The following BBX variants were observed in gnomAD, a reference collection of about 807,000 sequenced individuals.
The protein encoded by BBX is HMG box transcription factor BBX.
In BBX, 30 loss-of-function variants were observed where a neutral mutation model predicts 100.2. The observed-to-expected ratio is 0.30, with a 90% CI of 0.22 to 0.41. BBX has a LOEUF of 0.41. Ranked by LOEUF, BBX falls within the 10% of genes least tolerant of loss-of-function variation. The pLI, the probability that BBX is intolerant of heterozygous loss-of-function variation, is 1.00. For missense variants in BBX, 1,023 were observed against 1,129.8 expected, an observed-to-expected ratio of 0.91 and a Z score of 1.35; for synonymous variants, 376 against 388.1, an observed-to-expected ratio of 0.97 and a Z score of 0.37.
At chr3:107,667,624 T>G (rs2058819957) in intron 3 of BBX, among the ~76,000 whole-genome samples, 1 of 151,822 alleles carries the variant, frequency 6.6e-6, no homozygotes, top group Non-Finnish European at 1.5e-5. Context: ...TGGGCTTAAT[T>G]TGGAAAAGGT....
intron 10 of BBX, among the ~76,000 whole-genome samples, chr3:107,769,219 T>C (rs199940338): frequency 0.059 from 8,135 of 137,450 alleles, 337 homozygotes; most frequent in Middle Eastern, 0.11. Flanking sequence ...GATAGATAGA[T>C]AGATAGATAG....
In BBX at chr3:107,773,681, GA is replaced by G; in HGVS notation, c.1915+47del. ...CTGAAAAGAATTCAAAAACCAAACA[GA>G]ATTTCACCTTTAGACCTATTGAAAA... On this transcript the variant is annotated intron_variant, in intron 11 of 17. Coordinates refer to ENST00000325805, the MANE Select transcript of BBX (RefSeq NM_001142568.3). This position sits in a 1 kb window ranked among gnomAD's most constrained non-coding sequence, Gnocchi z 4.1. 6.5e-7 allele frequency: 1 copy of G among 1,532,460 alleles called. No individual in the cohort carries two copies. The allele number at this position is 1,532,460 out of a possible 1,614,324, so 94.9% of individuals were successfully genotyped here.
chr3:107,652,078 T>C (rs2057871772), intron 3 of BBX, among the ~76,000 whole-genome samples: 1 of 152,214 alleles, frequency 6.6e-6, no homozygotes, highest in Non-Finnish European at 1.5e-5. Flanking sequence ...ATAACCTGCT[T>C]AGTTTAATTT....
intron 2 of BBX, among the ~76,000 whole-genome samples, chr3:107,530,852 CT>C (rs2048114406): frequency 1.3e-5 from 2 of 152,236 alleles, no homozygotes; most frequent in Admixed American, 6.5e-5. Flanking sequence ...TAAATCCAAT[CT>C]GTTTCAAGCC....
At chr3:107,679,438 A>T (rs1038867883) in intron 3 of BBX, among the ~76,000 whole-genome samples, 1 of 152,164 alleles carries the variant, frequency 6.6e-6, no homozygotes, top group African/African-American at 2.4e-5. Context: ...GCTGTGCTGA[A>T]TATGGAAGCT....
chr3:107,733,966 T>C (rs1576555514), intron 7 of BBX, among the ~76,000 whole-genome samples: 1 of 152,288 alleles, frequency 6.6e-6, no homozygotes, highest in East Asian at 1.9e-4. Context: ...TGAATTAACC[T>C]ACAGGTCATG....
chr3:107,793,647 A>G (rs2069290839), intron 15 of BBX, among the ~76,000 whole-genome samples: 1 of 152,206 alleles, frequency 6.6e-6, no homozygotes, highest in African/African-American at 2.4e-5. Context: ...AAATATAGCA[A>G]TAATATAGAA....
At chr3:107,665,192 A>C (rs920954780) in intron 3 of BBX, among the ~76,000 whole-genome samples, 5 of 152,206 alleles carry the variant, frequency 3.3e-5, no homozygotes, top group African/African-American at 1.2e-4. Context: ...TGTAGAAAGG[A>C]AAGATGTAAA....
chr3:107,591,117 AAG>A (rs1306448629), intron 2 of BBX, among the ~76,000 whole-genome samples: 1 of 152,236 alleles, frequency 6.6e-6, no homozygotes, highest in Non-Finnish European at 1.5e-5. Flanking sequence ...CCCCAGTCTT[AAG>A]TATAGTATAA....
chr3:107,734,664 A>G (rs904257903), intron 7 of BBX, among the ~76,000 whole-genome samples: 3 of 152,202 alleles, frequency 2.0e-5, no homozygotes, highest in African/African-American at 4.8e-5. Flanking sequence ...CGCAACATCT[A>G]TTTAGTGTTC....
chr3:107,775,414 A>G (rs977027787), intron 12 of BBX, among the ~76,000 whole-genome samples: 1 of 152,162 alleles, frequency 6.6e-6, no homozygotes, highest in African/African-American at 2.4e-5. Context: ...GCATCAAGAT[A>G]AAATCACTTA....
chr3:107,667,284 C>T (rs531847943), intron 3 of BBX, among the ~76,000 whole-genome samples: 2 of 152,188 alleles, frequency 1.3e-5, no homozygotes, highest in African/African-American at 4.8e-5. Flanking sequence ...GTTAAGTATT[C>T]ACATTAATAT....
At chr3:107,686,875 C>T (rs1489869682) in intron 3 of BBX, among the ~76,000 whole-genome samples, 2 of 152,104 alleles carry the variant, frequency 1.3e-5, no homozygotes, top group Non-Finnish European at 2.9e-5. Flanking sequence ...CCTAACCAAC[C>T]CGTTAAAGGT....
At chr3:107,630,477 T>G (rs142609221) in intron 2 of BBX, among the ~76,000 whole-genome samples, 1 of 152,302 alleles carries the variant, frequency 6.6e-6, no homozygotes, top group African/African-American at 2.4e-5. Context: ...GACTTACATT[T>G]CTGGGGTGGA....
rs748734210 is a variant in BBX at position 107,748,019 on chromosome 3, G to C, written c.805G>C (p.Ala269Pro). Residue 269 changes from alanine to proline, a missense_variant, in exon 9 of 18, where the codon GCC (alanine) becomes CCC (proline). Physicochemically the swap from Ala to Pro is conservative, Grantham distance 27. Transcript: ENST00000325805. ...TTCTACAAAGCAGTGTCAAACATCT[G>C]CCTTGTTTCAGTTTGCAGAGGTATG... is the stretch of plus-strand genomic sequence containing the variant. ...DASTKQCQTS[A>P]LFQFAEISSN... 66 of 1,613,354 alleles carry C rather than the reference G, an allele frequency of 4.1e-5. No homozygotes were observed. Among genetic ancestry groups the C allele is most frequent in the Non-Finnish European group, 5.3e-5 (62 of 1,179,652 alleles).
intron 2 of BBX, among the ~76,000 whole-genome samples, chr3:107,533,218 A>T (rs1034660917): frequency 2.0e-5 from 3 of 152,186 alleles, no homozygotes; most frequent in Non-Finnish European, 2.9e-5. Context: ...CTGAATCCTG[A>T]AGCATATCAG....
chr3:107,631,243 C>T (rs1405039016), intron 2 of BBX, among the ~76,000 whole-genome samples: 4 of 152,170 alleles, frequency 2.6e-5, no homozygotes, highest in African/African-American at 9.7e-5. Flanking sequence ...CATTTTTAGG[C>T]TCATCCTAGG....
At chr3:107,672,258 A>G (rs539895913) in intron 3 of BBX, among the ~76,000 whole-genome samples, 4 of 152,170 alleles carry the variant, frequency 2.6e-5, no homozygotes, top group South Asian at 2.1e-4. Context: ...GTTATTTGAG[A>G]AAAATTGTTC....
intron 9 of BBX, among the ~76,000 whole-genome samples, chr3:107,754,984 ATATGT>A (rs1244250223): frequency 6.6e-6 from 1 of 152,212 alleles, no homozygotes; most frequent in Admixed American, 6.5e-5. Flanking sequence ...AATGTTGTAC[ATATGT>A]TATGTACTGC....
Sources: gnomAD v4.1 joint callset for allele counts (sites outside exome capture counted in the v4.1 genomes callset) on GRCh38, gnomAD v4.1.1 for gene constraint, Gnocchi (gnomAD v3.1) non-coding constraint, MANE v1.5 for transcripts, NCBI Gene and HGNC (gene_info 2026-07-23, HGNC 2026-07-21) for gene names.